NR2F1-AS1: variants seen among roughly 807,000 people sequenced by gnomAD.
NR2F1-AS1 encodes the protein NR2F1 regulatory antisense RNA 1, also known as NR2F1 antisense RNA 1.
At chr5:93,455,621 A>G (rs34117236) in intron 4 of NR2F1-AS1, among the ~76,000 whole-genome samples, 3,636 of 152,300 alleles carry the variant, frequency 0.024, 69 homozygotes, top group Middle Eastern at 0.037. Context: ...TAGATATACC[A>G]TATAAATACG....
At chr5:93,450,777 T>C (rs1202665198) in intron 4 of NR2F1-AS1, among the ~76,000 whole-genome samples, 3 of 151,956 alleles carry the variant, frequency 2.0e-5, no homozygotes. Flanking sequence ...AAGAGCAAGA[T>C]ACAGGCCAGG....
chr5:93,574,151 C>G (rs748987693), intron 1 of NR2F1-AS1, among the ~76,000 whole-genome samples: 1 of 152,166 alleles, frequency 6.6e-6, no homozygotes, highest in African/African-American at 2.4e-5. Context: ...GCCTTTGCCA[C>G]GAAGGGACTT....
At chr5:93,448,441 G>T (rs890360757) in intron 4 of NR2F1-AS1, among the ~76,000 whole-genome samples, 13 of 152,176 alleles carry the variant, frequency 8.5e-5, no homozygotes, top group Non-Finnish European at 1.8e-4. Context: ...AAAGACAATG[G>T]CTGGTCTCGT....
chr5:93,461,634 T>C (rs1341345090), intron 4 of NR2F1-AS1, among the ~76,000 whole-genome samples: 1 of 152,224 alleles, frequency 6.6e-6, no homozygotes, highest in Non-Finnish European at 1.5e-5. Flanking sequence ...TACAGACTGC[T>C]GTATTACCTT....
chr5:93,460,235 C>A (rs1277859317), intron 4 of NR2F1-AS1, among the ~76,000 whole-genome samples: 2 of 152,224 alleles, frequency 1.3e-5, no homozygotes. Flanking sequence ...TTCTTAGGTA[C>A]AGACTCAGGA....
chr5:93,547,139 G>C (rs530958530), intron 4 of NR2F1-AS1, among the ~76,000 whole-genome samples: 1 of 152,046 alleles, frequency 6.6e-6, no homozygotes, highest in Non-Finnish European at 1.5e-5. Context: ...ATGTGTGTGC[G>C]TGGGTGTGTG....
chr5:93,443,788 G>C (rs1000188841), intron 4 of NR2F1-AS1, among the ~76,000 whole-genome samples: 4 of 152,110 alleles, frequency 2.6e-5, no homozygotes, highest in African/African-American at 4.8e-5. Context: ...AAATATTAAG[G>C]GCAACCAGAA....
intron 4 of NR2F1-AS1, among the ~76,000 whole-genome samples, chr5:93,452,677 T>C (rs974251993): frequency 2.0e-5 from 3 of 152,290 alleles, no homozygotes; most frequent in African/African-American, 7.2e-5. Flanking sequence ...ACAGTTCACA[T>C]AGAGCTAAGA....
chr5:93,583,378 CTCTCT>C (rs1753162266), upstream of NR2F1-AS1: 1 of 150,696 alleles, frequency 6.6e-6, no homozygotes, highest in Non-Finnish European at 1.5e-5. Context: ...TCTCTCTCTC[CTCTCT>C]TCTCTGAACC....
At chr5:93,513,951 C>T (rs1003168246) in intron 4 of NR2F1-AS1, among the ~76,000 whole-genome samples, 2 of 152,088 alleles carry the variant, frequency 1.3e-5, no homozygotes, top group East Asian at 3.9e-4. Context: ...ACAGAATCCC[C>T]CCTACCCAAA....
At chr5:93,557,329 A>C (rs114214763) in intron 2 of NR2F1-AS1, among the ~76,000 whole-genome samples, 2,199 of 152,302 alleles carry the variant, frequency 0.014, 62 homozygotes, top group African/African-American at 0.05. Flanking sequence ...ATGGGCTCTG[A>C]AGTAACACAT....
At position 93,444,956 on chromosome 5, in the gene NR2F1-AS1, T is replaced by C. The variant is rs1038272207; in HGVS notation, n.639-49414A>G. Among the ~76,000 whole-genome samples the C allele has an allele frequency of 4.6e-5, 7 of 152,238 alleles. No homozygotes were observed. In the South Asian group the frequency reaches 1.2e-3, roughly 27 times the overall value. On this transcript the variant is annotated intron_variant and non_coding_transcript_variant, in intron 4 of 5. Transcript: ENST00000660523. ...AATGTGCTCCTGAATGACTATTGGG[T>C]ACATAACAAAATGAAGGCAGAAATA...
chr5:93,434,063 C>A (rs1433937500), intron 4 of NR2F1-AS1, among the ~76,000 whole-genome samples: 1 of 152,016 alleles, frequency 6.6e-6, no homozygotes, highest in Admixed American at 6.6e-5. Flanking sequence ...CCAATAATAT[C>A]TGCACATTAG....
intron 4 of NR2F1-AS1, among the ~76,000 whole-genome samples, chr5:93,490,570 A>AGTG (rs1304765806): frequency 3.0e-5 from 3 of 101,312 alleles, no homozygotes; most frequent in South Asian, 3.3e-4. Context: ...TGGTGATGGG[A>AGTG]GTGGTGGTGG....
intron 4 of NR2F1-AS1, among the ~76,000 whole-genome samples, chr5:93,549,013 A>C (rs560654041): frequency 1.3e-5 from 2 of 152,226 alleles, no homozygotes; most frequent in Non-Finnish European, 2.9e-5. Flanking sequence ...TTTTAAATGA[A>C]TGTAATAACT....
chr5:93,459,241 C>A (rs1363334018), intron 4 of NR2F1-AS1, among the ~76,000 whole-genome samples: 1 of 151,414 alleles, frequency 6.6e-6, no homozygotes, highest in Non-Finnish European at 1.5e-5. Flanking sequence ...TTGAAATATT[C>A]AATATTTGAA....
intron 4 of NR2F1-AS1, among the ~76,000 whole-genome samples, chr5:93,519,104 A>C (rs1048593053): frequency 1.3e-5 from 2 of 152,096 alleles, no homozygotes; most frequent in African/African-American, 4.8e-5. Context: ...AGACTGACAT[A>C]CTTTCTCTCA....
chr5:93,472,994 T>G (rs1484788542), intron 4 of NR2F1-AS1, among the ~76,000 whole-genome samples: 1 of 151,918 alleles, frequency 6.6e-6, no homozygotes. Flanking sequence ...TACCAATATA[T>G]AAAACATATA....
intron 4 of NR2F1-AS1, among the ~76,000 whole-genome samples, chr5:93,429,250 A>T (rs1749260371): frequency 6.6e-6 from 1 of 152,158 alleles, no homozygotes; most frequent in Non-Finnish European, 1.5e-5. Flanking sequence ...TACAGCAATT[A>T]TAATAACACT....
Sources: allele counts gnomAD v4.1 joint callset (sites outside exome capture counted in the v4.1 genomes callset), GRCh38; gene constraint gnomAD v4.1.1; transcripts MANE v1.5; gene names NCBI Gene and HGNC (gene_info 2026-07-23, HGNC 2026-07-21).